Variants in WDSUB1 observed in about 807,000 individuals in gnomAD.
WDSUB1 encodes WD repeat, sterile alpha motif and U-box domain containing 1.
In WDSUB1, 49 loss-of-function variants were observed where a neutral mutation model predicts 53.9. The ratio of observed to expected loss-of-function variants is 0.91; its 90% confidence interval spans 0.72 to 1.15. WDSUB1 has a LOEUF of 1.15. Among genes scored for constraint, WDSUB1 ranks in the 50% most tolerant of loss-of-function variants. The pLI, the probability that WDSUB1 is intolerant of heterozygous loss-of-function variation, is 0.00. For synonymous variants in WDSUB1, 194 were observed against 200.6 expected (o/e 0.97, Z 0.28); for missense variants, 514 against 562.0 (o/e 0.91, Z 0.86).
intron 10 of WDSUB1, among the ~76,000 whole-genome samples, chr2:159,243,040 T>C (rs949417995): frequency 1.4e-4 from 14 of 98,078 alleles, no homozygotes; most frequent in Non-Finnish European, 2.4e-4. Context: ...TCTCCACACA[T>C]GTATCAATCA....
rs572716440 is a variant in WDSUB1, at chr2:159,240,610, A to C, written c.1274-4420T>G. On this transcript the variant is annotated intron_variant, in intron 10 of 10. Transcript: ENST00000359774. Reference sequence around the variant, plus strand: ...GCATATCATTAGACTGTTCCAGGGCACCATTACCTATATTAACTTCTTTAA... The same window carrying C: ...GCATATCATTAGACTGTTCCAGGGCCCCATTACCTATATTAACTTCTTTAA... Among the ~76,000 whole-genome samples the C allele has an allele frequency of 7.2e-5, 11 of 152,346 alleles. No homozygotes were observed. In the South Asian group the frequency reaches 2.3e-3, roughly 32 times the overall value.
At chr2:159,257,686 C>A (rs897001797) in intron 8 of WDSUB1, 72 bp downstream of exon 8, 16 of 1,377,996 alleles carry the variant, frequency 1.2e-5, no homozygotes, top group Non-Finnish European at 1.5e-5. Context: ...CGGTGCCCAG[C>A]CCGATTTACT....
At chr2:159,260,848 C>T (rs1365730628) in intron 5 of WDSUB1, among the ~76,000 whole-genome samples, 2 of 152,194 alleles carry the variant, frequency 1.3e-5, no homozygotes, top group Non-Finnish European at 1.5e-5. Flanking sequence ...AGTGGTACCA[C>T]ACTCTGCAGA....
chr2:159,269,606 A>T (rs745788046), intron 5 of WDSUB1, among the ~76,000 whole-genome samples: 3 of 152,222 alleles, frequency 2.0e-5, no homozygotes, highest in Non-Finnish European at 2.9e-5. Flanking sequence ...AAAACACATG[A>T]ATTACATCCA....
intron 3 of WDSUB1, among the ~76,000 whole-genome samples, chr2:159,278,622 T>C (rs1239796373): frequency 1.3e-5 from 2 of 152,208 alleles, no homozygotes; most frequent in Admixed American, 1.3e-4. Context: ...AGCCAAATTC[T>C]AAAGGATATT....
chr2:159,280,708 A>AAAAAAAAAAAAC (rs111752652), intron 2 of WDSUB1, among the ~76,000 whole-genome samples: 2 of 134,312 alleles, frequency 1.5e-5, no homozygotes, highest in Non-Finnish European at 1.5e-5. Context: ...AAAAAAAAAA[A>AAAAAAAAAAAAC]ATTACCCAGA....
intron 2 of WDSUB1, among the ~76,000 whole-genome samples, chr2:159,281,296 T>C (rs954738517): frequency 2.6e-4 from 40 of 152,104 alleles, no homozygotes; most frequent in African/African-American, 8.7e-4. Flanking sequence ...TGGGGTACAG[T>C]AGTGCAATCC....
At chr2:159,271,816 G>A in intron 4 of WDSUB1, 21 bp from the exon 5 acceptor site, 3 of 1,589,802 alleles carry the variant, frequency 1.9e-6, no homozygotes, top group Middle Eastern at 1.7e-4. Flanking sequence ...CAAGGTAACA[G>A]AGATTAGAAA....
Position 159,282,907 on chromosome 2 carries a change from A to T in WDSUB1, c.163T>A (p.Tyr55Asn). Residue 55 changes from tyrosine to asparagine, a missense_variant, in exon 2 of 11, where the codon TAT (tyrosine) becomes AAT (asparagine). By Grantham distance (143) the Tyr-to-Asn change is moderately radical. Coordinates refer to ENST00000359774, the MANE Select transcript of WDSUB1 (RefSeq NM_001128212.3). ...GAGAAACAGCAGCAGTGGACAGCATAGGTATGAAACTTCAATGGAGAATGT... is the reference window on the plus strand; with the variant it reads ...GAGAAACAGCAGCAGTGGACAGCATTGGTATGAAACTTCAATGGAGAATGT... ...LPHSPLKFHT[Y>N]AVHCCCFSPS... 2 of 1,614,240 alleles carry T rather than the reference A, an allele frequency of 1.2e-6. No homozygotes were observed. Among genetic ancestry groups the T allele is most frequent in the Non-Finnish European group, 1.7e-6 (2 of 1,180,046 alleles).
At chr2:159,248,546 A>AT (rs2060874904) in intron 9 of WDSUB1, 34 bp from the exon 10 acceptor site, 2 of 1,474,790 alleles carry the variant, frequency 1.4e-6, no homozygotes, top group Non-Finnish European at 1.8e-6. Context: ...CTGGATAACT[A>AT]CTAGTAATCC....
intron 10 of WDSUB1, among the ~76,000 whole-genome samples, chr2:159,240,557 C>T (rs751399054): frequency 6.6e-6 from 1 of 152,152 alleles, no homozygotes; most frequent in Non-Finnish European, 1.5e-5. Context: ...TGACACTGAC[C>T]GTCTTTTGAA....
rs1559532162 is a variant in WDSUB1, at chr2:159,247,918, TATATATATAAATATATATATATATAA to T, written c.1273+428_1273+453del. ...ATATATATATATATATAAATATATA[TATATATATAAATATATATATATATAA>T]AATTTGGATTCACTGATTACAACTA... On this transcript the variant is annotated intron_variant, in intron 10 of 10. Coordinates refer to ENST00000359774, the MANE Select transcript of WDSUB1 (RefSeq NM_001128212.3). 1.8e-3 allele frequency among the ~76,000 whole-genome samples: 142 copies of T among 77,480 alleles called. 3 individuals are homozygous for T. The highest frequency in any genetic ancestry group is 7.2e-3 in the African/African-American group (94 of 13,024). The allele number at this position is 77,480 out of a possible 152,430, so 50.8% of individuals were successfully genotyped here. A position where few individuals can be genotyped will look rare whatever the true frequency, so the allele number is the denominator to read the frequency against.
At chr2:159,254,020 TAA>T (rs1288770308) in intron 9 of WDSUB1, among the ~76,000 whole-genome samples, 8 of 152,354 alleles carry the variant, frequency 5.3e-5, no homozygotes, top group African/African-American at 1.9e-4. Context: ...AACACAAGCC[TAA>T]GAGTCCTTAT....
At position 159,236,228 on chromosome 2, in the gene WDSUB1, A is replaced by C. The variant is rs577608806; in HGVS notation, c.1274-38T>G. The C allele has an allele frequency of 2.0e-5, 31 of 1,575,790 alleles. No homozygotes were observed. The South Asian group carries it at 3.6e-4, about 18-fold the overall frequency. On this transcript the variant is annotated intron_variant, in intron 10 of 10. Transcript: ENST00000359774. ...AATCACACAAATTACATGATGTAGG[A>C]AAGGGAAATGAGGATGTCTAAAATG...
intron 3 of WDSUB1, 72 bp from the exon 4 acceptor site, chr2:159,275,710 T>C (rs2061526643): frequency 1.7e-6 from 2 of 1,159,274 alleles, no homozygotes; most frequent in African/African-American, 1.6e-5. Flanking sequence ...CCATTTCTTA[T>C]ACTAAGATCT....
intron 5 of WDSUB1, among the ~76,000 whole-genome samples, chr2:159,260,535 G>A (rs1397488306): frequency 2.0e-5 from 3 of 152,134 alleles, no homozygotes; most frequent in Non-Finnish European, 2.9e-5. Flanking sequence ...TTGATAAGGC[G>A]TGCCTTAAAT....
chr2:159,270,228 A>AT (rs1453708094), intron 5 of WDSUB1, among the ~76,000 whole-genome samples: 1 of 152,228 alleles, frequency 6.6e-6, no homozygotes. Flanking sequence ...GAAGACAATT[A>AT]TTGAAATTCA....
chr2:159,282,548 A>C (rs1286073568), intron 2 of WDSUB1, 124 bp downstream of exon 2: 1 of 1,186,656 alleles, frequency 8.4e-7, no homozygotes, highest in Non-Finnish European at 1.2e-6. Context: ...TAGGGTCATC[A>C]AAATATTTTT....
chr2:159,246,926 GA>G, intron 10 of WDSUB1, among the ~76,000 whole-genome samples: 1 of 152,292 alleles, frequency 6.6e-6, no homozygotes. Flanking sequence ...CCTCATGGAT[GA>G]AACTAAAATT....
Sources: allele counts gnomAD v4.1 joint callset (sites outside exome capture counted in the v4.1 genomes callset), GRCh38; gene constraint gnomAD v4.1.1; transcripts MANE v1.5; gene names NCBI Gene and HGNC (gene_info 2026-07-23, HGNC 2026-07-21).